The following NKX2-5 variants were observed in gnomAD, a reference collection of about 807,000 sequenced individuals.
NKX2-5 encodes homeobox protein Nkx-2.5.
A neutral mutation model predicts 24.5 loss-of-function variants in NKX2-5; 3 were observed. The ratio of observed to expected loss-of-function variants is 0.12; its 90% CI spans 0.06 to 0.32. The LOEUF is 0.32. Ranked by LOEUF, NKX2-5 falls within the 10% of genes least tolerant of loss-of-function variation. NKX2-5 has a pLI of 1.00. For missense variants in NKX2-5, 429 were observed against 452.4 expected, an observed-to-expected ratio of 0.95 and a Z score of 0.47; for synonymous variants, 215 against 217.6, an observed-to-expected ratio of 0.99 and a Z score of 0.11.
rs1581111978 is a variant in NKX2-5, at chr5:173,235,194, C to T, written c.-111G>A. ...GCCGCCCGCCCGCGCACCCGTCGGC[C>T]AGCTCTGGATGTGTCCGGGCAGCAG... On this transcript the variant is annotated 5_prime_UTR_variant, in exon 1 of 2. Transcript: ENST00000329198. 9 of 1,126,794 alleles carry T rather than the reference C, an allele frequency of 8.0e-6. No individual in the cohort carries two copies. The East Asian group carries it at 2.3e-4, about 29-fold the overall frequency. 69.8% of individuals were successfully genotyped at this position (1,126,794 alleles called of 1,614,324 possible). A position where few individuals can be genotyped will look rare whatever the true frequency, so the allele number is the denominator to read the frequency against.
In NKX2-5 at chr5:173,232,482, G is replaced by GA. The variant is rs1449191990; in HGVS notation, c.*86_*87insT. 40 of 1,564,844 alleles carry GA rather than the reference G, an allele frequency of 2.6e-5. No homozygotes were observed. The highest frequency in any genetic ancestry group is 3.4e-5 in the Non-Finnish European group (40 of 1,162,948). The stretch of plus-strand genomic sequence containing the variant: ...TGAATGCAAAATCCAGGGGACTCAG[G>GA]GTCATGTTGGGAGCCCCTTCTCCCC... On this transcript the variant is annotated 3_prime_UTR_variant, in exon 2 of 2. Transcript: ENST00000329198. This position sits in a 1 kb window ranked among gnomAD's most constrained non-coding sequence, Gnocchi z 5.9.
In NKX2-5 at chr5:173,232,605, C is replaced by T. The variant is rs748311298; in HGVS notation, c.939G>A (p.Ser313=). 3 of 1,612,750 alleles carry T rather than the reference C, an allele frequency of 1.9e-6. No individual in the cohort carries two copies. The African/African-American group carries it at 4.0e-5, about 22-fold the overall frequency. ...GGATACCATGCAGCGTGGACACTCC[C>T]GAGTTGCTCTGCGGAATCCCGGGGC... The part of the protein sequence containing the change: ...VQSPGIPQSN[S]GVSTLHGIRA... Residue 313 remains serine (S), a synonymous_variant, in exon 2 of 2, where the codon TCG becomes TCA. Coordinates refer to ENST00000329198, the MANE Select transcript of NKX2-5 (RefSeq NM_004387.4). This position sits in a 1 kb window ranked among gnomAD's most constrained non-coding sequence, Gnocchi z 5.9.
At chr5:173,233,935 G>A (rs547980504) in intron 1 of NKX2-5, 1 of 1,185,682 alleles carries the variant, frequency 8.4e-7, no homozygotes, top group South Asian at 1.6e-5. Context: ...GGCCTCCCGG[G>A]AATCGCCCGG....
In NKX2-5 at chr5:173,232,428, C is replaced by T; in HGVS notation, c.*141G>A. ...TGCGCAAGAACAAACGCGCGTGGGA[C>T]AGAAAAAGTTCCTAGGTCTCCGCAG... is the stretch of plus-strand genomic sequence containing the variant. On this transcript the variant is annotated 3_prime_UTR_variant, in exon 2 of 2. Transcript: ENST00000329198. The surrounding 1 kb of genome is among the most constrained non-coding windows in gnomAD (Gnocchi z 5.9). The T allele has an allele frequency of 1.4e-6, 2 of 1,456,956 alleles. No homozygotes were observed. The highest frequency in any genetic ancestry group is 5.0e-5 in the East Asian group (2 of 40,152). The allele number at this position is 1,456,956 out of a possible 1,614,324, so 90.3% of individuals were successfully genotyped here.
Position 173,233,228 on chromosome 5 carries a change from G to T in NKX2-5, c.335-19C>A, listed in dbSNP as rs1437693412. The T allele has an allele frequency of 1.1e-5, 18 of 1,596,370 alleles. No homozygotes were observed. The highest frequency in any genetic ancestry group is 1.3e-5 in the Non-Finnish European group (15 of 1,178,140). ...CACAGCTCTGAGGGGGAACAGAGAGGCAGAGAGACGCTTGGTAAGAGCGGC... is the reference window on the plus strand; with the variant it reads ...CACAGCTCTGAGGGGGAACAGAGAGTCAGAGAGACGCTTGGTAAGAGCGGC... On this transcript the variant is annotated intron_variant, in intron 1 of 1. Transcript: ENST00000329198.
chr5:173,232,859 G>C lies in NKX2-5; in HGVS notation c.685C>G (p.Pro229Ala), dbSNP rs2113901265. 5 of 1,611,112 alleles carry C rather than the reference G, an allele frequency of 3.1e-6. No homozygotes were observed. Among genetic ancestry groups the C allele is most frequent in the Non-Finnish European group, 4.2e-6 (5 of 1,179,168 alleles). ...AVPVLVRDGK[P>A]CLGDSAPYAP... Reference sequence around the variant, plus strand: ...TAGGGCGCCGAGTCCCCTAGGCATGGCTTGCCATCGCGCACCAGCACTGGC... The same window carrying C: ...TAGGGCGCCGAGTCCCCTAGGCATGCCTTGCCATCGCGCACCAGCACTGGC... Residue 229 changes from proline (P) to alanine (A), a missense_variant, in exon 2 of 2, where the codon CCA (proline) becomes GCA (alanine). Coordinates refer to ENST00000329198, the MANE Select transcript of NKX2-5 (RefSeq NM_004387.4). The surrounding 1 kb of genome is among the most constrained non-coding windows in gnomAD (Gnocchi z 5.9).
At chr5:173,234,603 C>G (rs1231952927) in intron 1 of NKX2-5, 147 bp downstream of exon 1, 1 of 714,584 alleles carries the variant, frequency 1.4e-6, no homozygotes, top group Non-Finnish European at 2.1e-6. Context: ...GGGAGCCTGG[C>G]GACAACACCA....
Position 173,232,326 on chromosome 5 carries a change from C to T in NKX2-5, c.*243G>A. 3 of 711,836 alleles carry T rather than the reference C, an allele frequency of 4.2e-6. No individual in the cohort carries two copies. The Admixed American group carries it at 8.9e-5, about 21-fold the overall frequency. 44.1% of individuals were successfully genotyped at this position (711,836 alleles called of 1,614,324 possible). A position where few individuals can be genotyped will look rare whatever the true frequency, so the allele number is the denominator to read the frequency against. On this transcript the variant is annotated 3_prime_UTR_variant, in exon 2 of 2. Coordinates refer to ENST00000329198, the MANE Select transcript of NKX2-5 (RefSeq NM_004387.4). This position sits in a 1 kb window ranked among gnomAD's most constrained non-coding sequence, Gnocchi z 5.9. ...TGCCCATGGACTCTCGGAGGGCACTCCTGGGGGGACAGCTAAGACACCAGG... is the reference window on the plus strand; with the variant it reads ...TGCCCATGGACTCTCGGAGGGCACTTCTGGGGGGACAGCTAAGACACCAGG...
Position 173,233,121 on chromosome 5 carries a change from C to T in NKX2-5, c.423G>A (p.Pro141=), listed in dbSNP as rs769534216. Residue 141 remains proline, a synonymous_variant, in exon 2 of 2, where the codon CCG becomes CCA. Transcript: ENST00000329198. ...CCTGCGCCTGCGAGAAGAGCACGCG[C>T]GGCTTCCTCCGCCGTCGCGCCCGGG... ...ERPRARRRRK[P]RVLFSQAQVY... is the part of the protein sequence containing the mutation. 8 of 1,598,586 alleles carry T rather than the reference C, an allele frequency of 5.0e-6. No homozygotes were observed. The South Asian group carries it at 5.6e-5, about 11-fold the overall frequency.
At chr5:173,234,073 G>C in intron 1 of NKX2-5, 5 of 1,289,446 alleles carry the variant, frequency 3.9e-6, no homozygotes, top group Non-Finnish European at 5.1e-6. Context: ...TTGTGCCCGC[G>C]GTAGCGCAGC....
At chr5:173,234,153 A>G (rs1269990694) in intron 1 of NKX2-5, 1 of 1,288,892 alleles carries the variant, frequency 7.8e-7, no homozygotes, top group South Asian at 1.2e-5. Context: ...GAAAAAATAA[A>G]GTGAAGTCAG....
Position 173,232,420 on chromosome 5 carries a change from G to C in NKX2-5, c.*149C>G, listed in dbSNP as rs1344870685. 19 of 1,410,176 alleles carry C rather than the reference G, an allele frequency of 1.3e-5. No individual in the cohort carries two copies. The highest frequency in any genetic ancestry group is 1.7e-5 in the Non-Finnish European group (18 of 1,051,556). 87.4% of individuals were successfully genotyped at this position (1,410,176 alleles called of 1,614,324 possible). The stretch of plus-strand genomic sequence containing the variant: ...CTCTCCCGTGCGCAAGAACAAACGC[G>C]CGTGGGACAGAAAAAGTTCCTAGGT... On this transcript the variant is annotated 3_prime_UTR_variant, in exon 2 of 2. Transcript: ENST00000329198. This position sits in a 1 kb window ranked among gnomAD's most constrained non-coding sequence, Gnocchi z 5.9.
chr5:173,234,168 C>T (rs1472668669), intron 1 of NKX2-5: 1 of 1,287,840 alleles, frequency 7.8e-7, no homozygotes, highest in Admixed American at 2.3e-5. Flanking sequence ...AGTCAGATTC[C>T]TGAGGGTCCG....
Position 173,234,807 on chromosome 5 carries a change from A to G in NKX2-5, c.277T>C (p.Tyr93His). ...TCGGGGTCGCTGTAGGCACGTGGAT[A>G]GAAGGCGGGGGCGGCGGGAAAGGCA... Reference protein sequence around the residue: ...ASAFPAAPAFYPRAYSDPDPA... With the variant: ...ASAFPAAPAFHPRAYSDPDPA... The change falls in exon 1 of 2, where the codon TAT becomes CAT. Residue 93 changes from tyrosine to histidine, a missense_variant. Physicochemically the swap from Tyr to His is moderately conservative, Grantham distance 83. Around this residue, in one of 3 missense-constraint regions of NKX2-5, gnomAD observed 240 missense variants for 240.4 expected, o/e 1.00. Coordinates refer to ENST00000329198, the MANE Select transcript of NKX2-5 (RefSeq NM_004387.4). The G allele has an allele frequency of 6.3e-7, 1 of 1,583,546 alleles. No homozygotes were observed. Among genetic ancestry groups the G allele is most frequent in the Non-Finnish European group, 8.6e-7 (1 of 1,166,836 alleles).
At chr5:173,233,994 G>A in intron 1 of NKX2-5, 1 of 1,251,838 alleles carries the variant, frequency 8.0e-7, no homozygotes, top group South Asian at 1.3e-5. Context: ...TTTCTGCAGC[G>A]GGGCCGGCCT....
In NKX2-5 at chr5:173,234,813, C is replaced by T; in HGVS notation, c.271G>A (p.Ala91Thr). Reference protein sequence around the residue: ...KCASAFPAAPAFYPRAYSDPD... With the variant: ...KCASAFPAAPTFYPRAYSDPD... ...TCGCTGTAGGCACGTGGATAGAAGG[C>T]GGGGGCGGCGGGAAAGGCAGACGCA... Residue 91 changes from alanine (A) to threonine (T), a missense_variant, in exon 1 of 2, where the codon GCC becomes ACC. Coordinates refer to ENST00000329198, the MANE Select transcript of NKX2-5 (RefSeq NM_004387.4). 1.9e-6 allele frequency: 3 copies of T among 1,583,302 alleles called. No homozygotes were observed. Among genetic ancestry groups the T allele is most frequent in the African/African-American group, 1.4e-5 (1 of 72,738 alleles).
Position 173,233,529 on chromosome 5 carries a change from A to AC in NKX2-5, c.335-321_335-320insG. The AC allele has an allele frequency of 2.2e-6, 2 of 899,594 alleles. 1 individual carries two copies. Among genetic ancestry groups the AC allele is most frequent in the Non-Finnish European group, 3.4e-6 (2 of 591,164 alleles). The allele number at this position is 899,594 out of a possible 1,614,324, so 55.7% of individuals were successfully genotyped here. On this transcript the variant is annotated intron_variant, in intron 1 of 1. Transcript: ENST00000329198. ...GCAAAAAAAAAAAAAATAAATAAAA[A>AC]AATAAAAAAATAAAAATAAAACCAG...
rs1299817619 is a variant in NKX2-5, at chr5:173,233,067, C to G, written c.477G>C (p.Gln159His). 1 of 1,602,686 alleles carries G rather than the reference C, an allele frequency of 6.2e-7. No individual in the cohort carries two copies. The highest frequency in any genetic ancestry group is 1.3e-5 in the African/African-American group (1 of 74,764). The change falls in exon 2 of 2, where the codon CAG becomes CAC. Residue 159 changes from glutamine (Q) to histidine (H), a missense_variant. Around this residue, in one of 3 missense-constraint regions of NKX2-5, gnomAD observed 240 missense variants for 240.4 expected, o/e 1.00. Coordinates refer to ENST00000329198, the MANE Select transcript of NKX2-5 (RefSeq NM_004387.4). ...GTTCGGGGGCCGACAGGTACCGCTG[C>G]TGCTTGAAGCGCCGCTCCAGCTCAT... ...QVYELERRFK[Q>H]QRYLSAPERD...
At position 173,232,908 on chromosome 5, in the gene NKX2-5, C is replaced by T; in HGVS notation, c.636G>A (p.Pro212=). 1 of 1,604,524 alleles carries T rather than the reference C, an allele frequency of 6.2e-7. No homozygotes were observed. The change falls in exon 2 of 2, where the codon CCG becomes CCA. Residue 212 remains proline, a synonymous_variant. Transcript: ENST00000329198. The surrounding 1 kb of genome is among the most constrained non-coding windows in gnomAD (Gnocchi z 5.9). The part of the protein sequence containing the change: ...LELVGLPPPP[P]PPARRIAVPV... ...GCACCGCGATCCTGCGGGCAGGCGG[C>T]GGCGGCGGCGGGGGCAGCCCCACCA...
Sources: allele counts gnomAD v4.1 joint callset, GRCh38; gene constraint gnomAD v4.1.1; regional missense constraint gnomAD v4.1.1; non-coding constraint Gnocchi (gnomAD v3.1); transcripts MANE v1.5; gene names NCBI Gene and HGNC (gene_info 2026-07-23, HGNC 2026-07-21).